DTWD2: variants seen among roughly 807,000 people sequenced by gnomAD.
DTWD2 encodes the protein DTW motif tRNA-uridine aminocarboxypropyltransferase 2.
DTWD2 carries 39 observed loss-of-function variants against 31.8 expected under a neutral mutation model. The ratio of observed to expected loss-of-function variants is 1.22; its 90% CI spans 0.95 to 1.60. The LOEUF is 1.60. DTWD2 is among the 40% of genes most tolerant of loss of function. The pLI is 0.00. For missense variants in DTWD2, 515 were observed against 381.5 expected, an observed-to-expected ratio of 1.35 and a Z score of -2.92; for synonymous variants, 180 against 142.8, an observed-to-expected ratio of 1.26 and a Z score of -1.86.
intron 1 of DTWD2, among the ~76,000 whole-genome samples, chr5:118,952,169 C>G (rs985788394): frequency 2.0e-5 from 3 of 152,100 alleles, no homozygotes; most frequent in Admixed American, 2.0e-4. Context: ...GGTCTGAGGA[C>G]CAGAGGTCGT....
At chr5:118,945,385 G>T (rs916780523) in intron 1 of DTWD2, among the ~76,000 whole-genome samples, 1 of 151,982 alleles carries the variant, frequency 6.6e-6, no homozygotes, top group African/African-American at 2.4e-5. Flanking sequence ...ACCAATGACT[G>T]GTTTTTTATG....
At chr5:118,956,636 T>C (rs1315967635) in intron 1 of DTWD2, among the ~76,000 whole-genome samples, 1 of 152,236 alleles carries the variant, frequency 6.6e-6, no homozygotes, top group African/African-American at 2.4e-5. Flanking sequence ...ACAGTACTGA[T>C]TTTAATCAAG....
chr5:118,881,258 G>A (rs1176785675), intron 4 of DTWD2, among the ~76,000 whole-genome samples: 1 of 152,076 alleles, frequency 6.6e-6, no homozygotes, highest in African/African-American at 2.4e-5. Flanking sequence ...TGATTCAACT[G>A]ATACCTTTGC....
chr5:118,951,955 G>C (rs1473697976), intron 1 of DTWD2, among the ~76,000 whole-genome samples: 3 of 152,174 alleles, frequency 2.0e-5, no homozygotes, highest in African/African-American at 7.2e-5. Flanking sequence ...ACTGGCACCG[G>C]AGTTTTAGGT....
At position 118,836,467 on chromosome 5, in the gene DTWD2, G is replaced by C. The variant is rs1041755409; in HGVS notation, c.*4450C>G. ...TTGGCCAGGCTGGTCTTGAACTCCT[G>C]ACCTCGTGATCTACCCACCTCGGCC... On this transcript the variant is annotated 3_prime_UTR_variant, in exon 6 of 6. Coordinates refer to ENST00000510708, the MANE Select transcript of DTWD2 (RefSeq NM_173666.4). 1.3e-5 allele frequency among the ~76,000 whole-genome samples: 2 copies of C among 152,094 alleles called. No individual in the cohort carries two copies. The highest frequency in any genetic ancestry group is 6.5e-5 in the Admixed American group (1 of 15,274).
chr5:118,926,948 T>A (rs1339010537), intron 4 of DTWD2, among the ~76,000 whole-genome samples: 1 of 152,188 alleles, frequency 6.6e-6, no homozygotes, highest in African/African-American at 2.4e-5. Flanking sequence ...TTCTCACAGT[T>A]CTAGAAGCTG....
chr5:118,936,441 C>T (rs916773567), intron 3 of DTWD2, among the ~76,000 whole-genome samples: 4 of 151,588 alleles, frequency 2.6e-5, no homozygotes, highest in South Asian at 2.1e-4. Context: ...TGCCACTGTA[C>T]TTCAAGCCTG....
intron 4 of DTWD2, among the ~76,000 whole-genome samples, chr5:118,872,816 C>T (rs1752535578): frequency 6.6e-6 from 1 of 152,192 alleles, no homozygotes; most frequent in South Asian, 2.1e-4. Context: ...TACAAATCTT[C>T]AATTTGTAAA....
At chr5:118,952,078 G>A (rs1009056045) in intron 1 of DTWD2, among the ~76,000 whole-genome samples, 1 of 152,088 alleles carries the variant, frequency 6.6e-6, no homozygotes, top group African/African-American at 2.4e-5. Flanking sequence ...AGGGGTTGAG[G>A]GATAGTGAGA....
chr5:118,894,358 A>C (rs1753037307), intron 4 of DTWD2, among the ~76,000 whole-genome samples: 1 of 152,236 alleles, frequency 6.6e-6, no homozygotes, highest in African/African-American at 2.4e-5. Flanking sequence ...TAAAATTTAT[A>C]CACAGAAATG....
chr5:118,836,489 G>A lies in DTWD2; in HGVS notation c.*4428C>T, dbSNP rs1256304925. ...CCTGACCTCGTGATCTACCCACCTC[G>A]GCCTCCCAAAGTGCTGGAATTACAG... On this transcript the variant is annotated 3_prime_UTR_variant, in exon 6 of 6. Coordinates refer to ENST00000510708, the MANE Select transcript of DTWD2 (RefSeq NM_173666.4). 3.9e-5 allele frequency among the ~76,000 whole-genome samples: 6 copies of A among 152,122 alleles called. No individual in the cohort carries two copies. The highest frequency in any genetic ancestry group is 2.1e-4 in the South Asian group (1 of 4,802).
intron 3 of DTWD2, among the ~76,000 whole-genome samples, chr5:118,931,144 G>C (rs933033502): frequency 6.6e-6 from 1 of 151,996 alleles, no homozygotes; most frequent in African/African-American, 2.4e-5. Flanking sequence ...TGTAATCCCA[G>C]CACTTTGGGA....
intron 4 of DTWD2, among the ~76,000 whole-genome samples, chr5:118,863,654 G>A (rs1274741671): frequency 6.6e-6 from 1 of 152,116 alleles, no homozygotes; most frequent in Non-Finnish European, 1.5e-5. Flanking sequence ...TTGTATTATA[G>A]CATTTTTGGA....
intron 3 of DTWD2, among the ~76,000 whole-genome samples, chr5:118,933,919 T>A (rs529414180): frequency 5.0e-4 from 71 of 143,070 alleles, no homozygotes; most frequent in South Asian, 1.3e-3. Context: ...AATAAATAAA[T>A]AAAAATAACC....
At chr5:118,937,735 A>T (rs1754076366) in intron 3 of DTWD2, among the ~76,000 whole-genome samples, 1 of 152,160 alleles carries the variant, frequency 6.6e-6, no homozygotes, top group Non-Finnish European at 1.5e-5. Context: ...TAAAGGCATA[A>T]TCCCACAGGT....
chr5:118,846,822 A>G (rs1381445353), intron 5 of DTWD2, among the ~76,000 whole-genome samples: 1 of 151,932 alleles, frequency 6.6e-6, no homozygotes, highest in Non-Finnish European at 1.5e-5. Flanking sequence ...CTCCCTGCTC[A>G]TTTAAAGTAA....
chr5:118,917,174 A>G (rs1274803944), intron 4 of DTWD2, among the ~76,000 whole-genome samples: 1 of 152,220 alleles, frequency 6.6e-6, no homozygotes, highest in Non-Finnish European at 1.5e-5. Flanking sequence ...ATTCGGGTTT[A>G]AGTTAACTGC....
chr5:118,903,868 A>G (rs1446246189), intron 4 of DTWD2, among the ~76,000 whole-genome samples: 1 of 151,284 alleles, frequency 6.6e-6, no homozygotes, highest in African/African-American at 2.5e-5. Context: ...AATAGAGTTA[A>G]AAAGAAATAA....
At position 118,902,216 on chromosome 5, in the gene DTWD2, C is replaced by A. The variant is rs116506836; in HGVS notation, c.597+26321G>T. On this transcript the variant is annotated intron_variant, in intron 4 of 5. Coordinates refer to ENST00000510708, the MANE Select transcript of DTWD2 (RefSeq NM_173666.4). The stretch of plus-strand genomic sequence containing the variant: ...GCTACAAATGTGCTACTTGAAATAT[C>A]AATTATCAAATGTTCAAAGCCAAAA... Among the ~76,000 whole-genome samples the A allele has an allele frequency of 4.7e-3, 719 of 151,994 alleles. 3 individuals are homozygous for A. The highest frequency in any genetic ancestry group is 0.017 in the African/African-American group (692 of 41,448).
Sources: gnomAD v4.1 joint callset for allele counts (sites outside exome capture counted in the v4.1 genomes callset) on GRCh38, gnomAD v4.1.1 for gene constraint, MANE v1.5 for transcripts, NCBI Gene and HGNC (gene_info 2026-07-23, HGNC 2026-07-21) for gene names.